The following TRABD2A variants were observed in gnomAD, a reference collection of about 807,000 sequenced individuals.
TRABD2A encodes TraB domain containing 2A.
Under a neutral mutation model 45.6 loss-of-function variants are expected in TRABD2A, and 43 were observed. The observed-to-expected ratio is 0.94, with a 90% CI of 0.74 to 1.22. The LOEUF is 1.22. Ranked by LOEUF, TRABD2A falls within the 50% of genes most tolerant of loss-of-function variation. The pLI is 0.00. For synonymous variants in TRABD2A, 269 were observed against 265.0 expected, an observed-to-expected ratio of 1.02 and a Z score of -0.15; for missense variants, 642 against 652.4, an observed-to-expected ratio of 0.98 and a Z score of 0.17.
intron 5 of TRABD2A, among the ~76,000 whole-genome samples, chr2:84,831,175 C>T (rs1444786354): frequency 6.7e-6 from 1 of 149,968 alleles, no homozygotes; most frequent in East Asian, 1.9e-4. Context: ...AGAAGAGAGG[C>T]CAGGGATGCT....
chr2:84,840,281 T>C (rs770143015), intron 3 of TRABD2A, among the ~76,000 whole-genome samples: 1 of 152,168 alleles, frequency 6.6e-6, no homozygotes, highest in Non-Finnish European at 1.5e-5. Context: ...TACTCTGTCA[T>C]CTTTTTTTTT....
chr2:84,851,123 T>G (rs1306166800), intron 2 of TRABD2A: 1 of 152,246 alleles, frequency 6.6e-6, no homozygotes, highest in African/African-American at 2.4e-5. Flanking sequence ...AAGGCCTTAT[T>G]TATTGAGAAA....
intron 5 of TRABD2A, among the ~76,000 whole-genome samples, chr2:84,825,050 G>A (rs539391068): frequency 3.4e-4 from 52 of 152,284 alleles, no homozygotes; most frequent in Non-Finnish European, 5.9e-4. Flanking sequence ...TTGGTGAAGG[G>A]GATGGGGGAG....
At chr2:84,867,434 T>G (rs1009681321) in intron 2 of TRABD2A, among the ~76,000 whole-genome samples, 30 of 152,204 alleles carry the variant, frequency 2.0e-4, no homozygotes, top group African/African-American at 6.5e-4. Flanking sequence ...AAAAATTAAT[T>G]CAAGATGGAT....
intron 4 of TRABD2A, chr2:84,834,199 T>C (rs1681428914): frequency 6.6e-6 from 1 of 152,066 alleles, no homozygotes. Flanking sequence ...GCCTCAAGAG[T>C]GAGGCCCAGG....
chr2:84,865,241 A>G (rs1682639561), intron 2 of TRABD2A, among the ~76,000 whole-genome samples: 1 of 152,218 alleles, frequency 6.6e-6, no homozygotes, highest in African/African-American at 2.4e-5. Flanking sequence ...AAAAAAGAGA[A>G]AGTGAGTTGT....
intron 2 of TRABD2A, among the ~76,000 whole-genome samples, chr2:84,848,720 C>T (rs1480369389): frequency 6.6e-6 from 1 of 151,636 alleles, no homozygotes; most frequent in Non-Finnish European, 1.5e-5. Flanking sequence ...GGATTACAGG[C>T]ACCCACCACC....
intron 3 of TRABD2A, among the ~76,000 whole-genome samples, chr2:84,841,232 C>T (rs1269071452): frequency 6.6e-6 from 1 of 152,224 alleles, no homozygotes; most frequent in Non-Finnish European, 1.5e-5. Context: ...AAGATCCGTA[C>T]CACTTCCCTC....
rs187162820 is a variant in TRABD2A at position 84,845,156 on chromosome 2, G to A, written c.670-3149C>T. ...CCTTGAGGTCAGGAGTTCAAGACCA[G>A]CCTGGCCAACATGGTAAAACCCTGT... On this transcript the variant is annotated intron_variant, in intron 2 of 6. Transcript: ENST00000409520. Among the ~76,000 whole-genome samples, 111 of 152,222 alleles carry A rather than the reference G, an allele frequency of 7.3e-4. 2 individuals are homozygous for A. In the East Asian group the frequency reaches 0.019, roughly 26 times the overall value.
At chr2:84,831,517 C>G (rs1390225290) in intron 5 of TRABD2A, among the ~76,000 whole-genome samples, 8 of 147,390 alleles carry the variant, frequency 5.4e-5, no homozygotes, top group Admixed American at 5.4e-4. Flanking sequence ...TCTGAAAGGG[C>G]AGAGGGCAGT....
intron 2 of TRABD2A, among the ~76,000 whole-genome samples, chr2:84,866,460 T>G (rs762239432): frequency 2.2e-4 from 34 of 152,380 alleles, no homozygotes; most frequent in Non-Finnish European, 4.0e-4. Flanking sequence ...TTCTGTTTTA[T>G]GCTTCTGTCC....
chr2:84,838,730 A>G (rs975545657), intron 4 of TRABD2A, among the ~76,000 whole-genome samples: 7 of 152,230 alleles, frequency 4.6e-5, no homozygotes, highest in Non-Finnish European at 8.8e-5. Flanking sequence ...GTGTGCTGCT[A>G]ACAGTCAATA....
chr2:84,825,954 C>A (rs72926820), intron 5 of TRABD2A, among the ~76,000 whole-genome samples: 2,091 of 152,194 alleles, frequency 0.014, 41 homozygotes, highest in African/African-American at 0.047. Flanking sequence ...ACCATCCCCC[C>A]CTCCCCGATC....
intron 1 of TRABD2A, among the ~76,000 whole-genome samples, chr2:84,879,250 C>T (rs1252562246): frequency 6.6e-6 from 1 of 150,564 alleles, no homozygotes; most frequent in Non-Finnish European, 1.5e-5. Flanking sequence ...GTGGCACAAT[C>T]ACACCTCACT....
intron 2 of TRABD2A, among the ~76,000 whole-genome samples, chr2:84,846,304 G>A (rs114452593): frequency 0.026 from 3,947 of 152,258 alleles, 86 homozygotes; most frequent in South Asian, 0.056. Context: ...TTTCAGAGCT[G>A]CTGCAATGAT....
intron 5 of TRABD2A, among the ~76,000 whole-genome samples, chr2:84,827,437 TCA>T: frequency 6.6e-6 from 1 of 152,318 alleles, no homozygotes; most frequent in Middle Eastern, 3.4e-3. Context: ...GCACCATGTT[TCA>T]CACAGTGCTG....
At chr2:84,843,688 A>C (rs568004757) in intron 2 of TRABD2A, 4 of 152,212 alleles carry the variant, frequency 2.6e-5, no homozygotes, top group African/African-American at 9.7e-5. Context: ...TGGCTGCATG[A>C]CACCTCTTTT....
At chr2:84,836,015 A>T (rs914124263) in intron 4 of TRABD2A, 1 of 152,202 alleles carries the variant, frequency 6.6e-6, no homozygotes, top group Non-Finnish European at 1.5e-5. Flanking sequence ...CCTCACACTA[A>T]AAACATATTT....
At chr2:84,833,410 G>A (rs890843554) in intron 4 of TRABD2A, 1 of 152,194 alleles carries the variant, frequency 6.6e-6, no homozygotes, top group African/African-American at 2.4e-5. Flanking sequence ...TGGCAATTTA[G>A]AACAAGTGAT....
Sources: allele counts gnomAD v4.1 joint callset (sites outside exome capture counted in the v4.1 genomes callset), GRCh38; gene constraint gnomAD v4.1.1; transcripts MANE v1.5; gene names NCBI Gene and HGNC (gene_info 2026-07-23, HGNC 2026-07-21).